PDIA5: variants seen among roughly 807,000 people sequenced by gnomAD.
The protein encoded by PDIA5 is protein disulfide isomerase family A member 5.
Under a neutral mutation model 77.6 loss-of-function variants are expected in PDIA5, and 58 were observed. The ratio of observed to expected loss-of-function variants is 0.75; its 90% CI spans 0.61 to 0.93. PDIA5 has a LOEUF of 0.93. Among genes scored for constraint, PDIA5 ranks in the 40% least tolerant of loss-of-function variants. The pLI, the probability that PDIA5 is intolerant of heterozygous loss-of-function variation, is 0.00. For synonymous variants in PDIA5, 250 were observed against 252.1 expected (o/e 0.99, Z 0.08); for missense variants, 630 against 647.7 (o/e 0.97, Z 0.30).
rs1323985201 is a variant in PDIA5, at chr3:123,136,097, ATTTTTTGGATTTC to A, written c.910+5487_910+5499del. 2.1e-4 allele frequency among the ~76,000 whole-genome samples: 32 copies of A among 150,640 alleles called. No individual in the cohort carries two copies. The South Asian group carries it at 6.7e-3, about 32-fold the overall frequency. On this transcript the variant is annotated intron_variant, in intron 11 of 16. Transcript: ENST00000316218. Reference sequence around the variant, plus strand: ...AGGCACGGGCCACCACACCTGGCTAATTTTTTGGATTTCTTTTTGTAGAAATGGAGTCTCCCTA... The same window carrying A: ...AGGCACGGGCCACCACACCTGGCTAATTTTTGTAGAAATGGAGTCTCCCTA...
In PDIA5 at chr3:123,072,541, G is replaced by A. The variant is rs541011185; in HGVS notation, c.42+5335G>A. On this transcript the variant is annotated intron_variant, in intron 1 of 16. Transcript: ENST00000316218. ...CCTGTGCAGCTAGGATTCTCCCCAC[G>A]GGAGTTACTTGGAGCTGAGCTCTTG... 7.2e-5 allele frequency among the ~76,000 whole-genome samples: 11 copies of A among 152,246 alleles called. No individual in the cohort carries two copies. The East Asian group carries it at 7.7e-4, about 11-fold the overall frequency.
chr3:123,102,919 G>A lies in PDIA5; in HGVS notation c.387+123G>A, dbSNP rs1042423748. 49 of 719,226 alleles carry A rather than the reference G, an allele frequency of 6.8e-5. No individual in the cohort carries two copies. In the Admixed American group the frequency reaches 8.3e-4, roughly 12 times the overall value. The allele number at this position is 719,226 out of a possible 1,614,324, so 44.6% of individuals were successfully genotyped here. A position where few individuals can be genotyped will look rare whatever the true frequency, so the allele number is the denominator to read the frequency against. The stretch of plus-strand genomic sequence containing the variant: ...CAAATAGCTCTTCTAAATGACCTGA[G>A]AGATTCTTATCTCTAGAGCATATGT... On this transcript the variant is annotated intron_variant, in intron 5 of 16. Coordinates refer to ENST00000316218, the MANE Select transcript of PDIA5 (RefSeq NM_006810.4).
At chr3:123,083,577 A>G (rs952278479) in intron 1 of PDIA5, among the ~76,000 whole-genome samples, 2 of 152,200 alleles carry the variant, frequency 1.3e-5, no homozygotes, top group African/African-American at 4.8e-5. Context: ...CTTCGAATGT[A>G]AAGAGCCTGC....
intron 1 of PDIA5, among the ~76,000 whole-genome samples, chr3:123,088,348 G>A (rs1207430656): frequency 6.6e-6 from 1 of 152,080 alleles, no homozygotes; most frequent in African/African-American, 2.4e-5. Flanking sequence ...GGGAGAATTG[G>A]CTCATTTCTT....
At chr3:123,137,672 C>T (rs925123819) in intron 11 of PDIA5, among the ~76,000 whole-genome samples, 4 of 152,026 alleles carry the variant, frequency 2.6e-5, no homozygotes, top group African/African-American at 9.7e-5. Flanking sequence ...TAAGTAAGGA[C>T]GGGGAGACAC....
intron 1 of PDIA5, among the ~76,000 whole-genome samples, chr3:123,081,309 G>C (rs1327829721): frequency 6.6e-6 from 1 of 152,196 alleles, no homozygotes; most frequent in Non-Finnish European, 1.5e-5. Flanking sequence ...GAGAAGGAGA[G>C]ATGACAACTA....
At chr3:123,133,280 C>T (rs941334910) in intron 11 of PDIA5, among the ~76,000 whole-genome samples, 3 of 152,200 alleles carry the variant, frequency 2.0e-5, no homozygotes, top group Admixed American at 6.5e-5. Flanking sequence ...TGTCATCCTG[C>T]GTTTCCTAAG....
intron 15 of PDIA5, among the ~76,000 whole-genome samples, chr3:123,156,965 T>TC (rs1269393238): frequency 6.6e-6 from 1 of 152,050 alleles, no homozygotes; most frequent in Non-Finnish European, 1.5e-5. Context: ...CTCTTCCCAT[T>TC]CCCCCTGCAC....
intron 1 of PDIA5, among the ~76,000 whole-genome samples, chr3:123,077,274 C>T (rs1386614570): frequency 6.6e-6 from 1 of 152,174 alleles, no homozygotes; most frequent in African/African-American, 2.4e-5. Context: ...AAAGTGCTTA[C>T]TTTATACACT....
rs556724547 is a variant in PDIA5 at position 123,116,133 on chromosome 3, G to T, written c.542-98G>T. 3.9e-5 allele frequency: 37 copies of T among 941,130 alleles called. No homozygotes were observed. The East Asian group carries it at 8.8e-4, about 22-fold the overall frequency. The allele number at this position is 941,130 out of a possible 1,614,324, so 58.3% of individuals were successfully genotyped here. A position where few individuals can be genotyped will look rare whatever the true frequency, so the allele number is the denominator to read the frequency against. ...CTGAGCTTCTCAAGGCTGGATAAGT[G>T]CTTGTTGGGTAGAGGATGGCCATGG... On this transcript the variant is annotated intron_variant, in intron 7 of 16. Transcript: ENST00000316218.
intron 11 of PDIA5, among the ~76,000 whole-genome samples, chr3:123,132,715 T>C (rs1428402409): frequency 2.6e-5 from 4 of 152,186 alleles, no homozygotes; most frequent in Non-Finnish European, 5.9e-5. Context: ...GAAGCGAGTC[T>C]TGCAGGAATT....
chr3:123,126,621 T>C (rs558255578), intron 10 of PDIA5, among the ~76,000 whole-genome samples: 15 of 152,228 alleles, frequency 9.9e-5, no homozygotes, highest in Non-Finnish European at 2.2e-4. Context: ...TTAAGCCTTT[T>C]CCAGTTTCCC....
At chr3:123,086,616 A>G (rs547952062) in intron 1 of PDIA5, among the ~76,000 whole-genome samples, 2 of 152,300 alleles carry the variant, frequency 1.3e-5, no homozygotes, top group South Asian at 4.1e-4. Context: ...ATGTTCCTCC[A>G]TGAGCTCCGT....
At chr3:123,080,803 T>C (rs1186352159) in intron 1 of PDIA5, among the ~76,000 whole-genome samples, 3 of 152,172 alleles carry the variant, frequency 2.0e-5, no homozygotes, top group African/African-American at 4.8e-5. Flanking sequence ...AAAAAGATCA[T>C]TTATTTCACC....
At chr3:123,156,931 C>T (rs929098475) in intron 15 of PDIA5, among the ~76,000 whole-genome samples, 2 of 152,212 alleles carry the variant, frequency 1.3e-5, no homozygotes, top group Non-Finnish European at 2.9e-5. Flanking sequence ...AGGCCTCCAG[C>T]GGGCAGCTGA....
At chr3:123,075,364 C>T in intron 1 of PDIA5, among the ~76,000 whole-genome samples, 1 of 152,128 alleles carries the variant, frequency 6.6e-6, no homozygotes, top group Middle Eastern at 3.4e-3. Context: ...AGAGGGTAGA[C>T]TGAGTGAGCT....
intron 11 of PDIA5, among the ~76,000 whole-genome samples, chr3:123,143,386 CAAAAAAA>C (rs34525470): frequency 2.9e-5 from 3 of 101,922 alleles, no homozygotes; most frequent in African/African-American, 7.5e-5. Context: ...GACTCCATCT[CAAAAAAA>C]AAAAAAAAAA....
intron 7 of PDIA5, among the ~76,000 whole-genome samples, chr3:123,112,866 G>A (rs1416692211): frequency 6.6e-6 from 1 of 151,968 alleles, no homozygotes; most frequent in Non-Finnish European, 1.5e-5. Flanking sequence ...GGCCCCCCAA[G>A]CCCTGTTTTG....
At position 123,106,770 on chromosome 3, in the gene PDIA5, G is replaced by A. The variant is rs764297053; in HGVS notation, c.409G>A (p.Asp137Asn). The change falls in exon 6 of 17, where the codon GAT becomes AAT. Residue 137 changes from aspartate (D) to asparagine (N), a missense_variant. Coordinates refer to ENST00000316218, the MANE Select transcript of PDIA5 (RefSeq NM_006810.4). ...TFKSIVAFLKDPKGPPLWEED... is the reference protein window; with the variant it reads ...TFKSIVAFLKNPKGPPLWEED... ...TCAGTCCATAGTGGCCTTTTTGAAG[G>A]ATCCAAAAGGGCCCCCACTGTGGGA... The A allele has an allele frequency of 1.9e-5, 30 of 1,611,604 alleles. No individual in the cohort carries two copies. In the South Asian group the frequency reaches 3.1e-4, roughly 17 times the overall value.
Sources: gnomAD v4.1 joint callset for allele counts (sites outside exome capture counted in the v4.1 genomes callset) on GRCh38, gnomAD v4.1.1 for gene constraint, MANE v1.5 for transcripts, NCBI Gene and HGNC (gene_info 2026-07-23, HGNC 2026-07-21) for gene names.